ADAMTSL3: variants seen among roughly 807,000 people sequenced by gnomAD.
The protein encoded by ADAMTSL3 is ADAMTS like 3.
A neutral mutation model predicts 201.7 loss-of-function variants in ADAMTSL3; 128 were observed. That is an observed-to-expected ratio of 0.63 (90% confidence interval 0.55 to 0.73). The LOEUF (loss-of-function observed/expected upper bound fraction) is 0.73, where lower values mean the gene tolerates loss of function less well. Ranked by LOEUF, ADAMTSL3 falls within the 30% of genes least tolerant of loss-of-function variation. ADAMTSL3 has a pLI of 0.00. For missense variants in ADAMTSL3, 1,990 were observed against 2,119.6 expected, an observed-to-expected ratio of 0.94 and a Z score of 1.20; for synonymous variants, 738 against 748.4, an observed-to-expected ratio of 0.99 and a Z score of 0.23.
intron 7 of ADAMTSL3, among the ~76,000 whole-genome samples, chr15:83,848,468 A>C (rs2141731762): frequency 6.6e-6 from 1 of 152,384 alleles, no homozygotes; most frequent in Middle Eastern, 3.4e-3. Flanking sequence ...TAGAAAAAAT[A>C]TGATGGAACA....
At chr15:83,797,712 C>T (rs952074087) in intron 4 of ADAMTSL3, among the ~76,000 whole-genome samples, 1 of 152,152 alleles carries the variant, frequency 6.6e-6, no homozygotes. Context: ...TAAGAACCTT[C>T]CTGCACTGGT....
chr15:83,884,722 T>C (rs1408962941), intron 9 of ADAMTSL3, among the ~76,000 whole-genome samples: 1 of 152,228 alleles, frequency 6.6e-6, no homozygotes, highest in Non-Finnish European at 1.5e-5. Context: ...GTCTCCACTA[T>C]GTGCTATATT....
intron 6 of ADAMTSL3, among the ~76,000 whole-genome samples, chr15:83,823,025 T>A (rs935792229): frequency 1.3e-5 from 2 of 151,650 alleles, no homozygotes; most frequent in African/African-American, 4.8e-5. Context: ...AAACCCCGTC[T>A]CCACCAAAAA....
intron 2 of ADAMTSL3, among the ~76,000 whole-genome samples, chr15:83,661,501 C>G (rs2061163459): frequency 6.6e-6 from 1 of 151,894 alleles, no homozygotes; most frequent in Non-Finnish European, 1.5e-5. Context: ...CCTTCACATC[C>G]CTTGTAAGTT....
At chr15:83,695,960 A>G (rs2061683437) in intron 2 of ADAMTSL3, among the ~76,000 whole-genome samples, 1 of 152,146 alleles carries the variant, frequency 6.6e-6, no homozygotes, top group African/African-American at 2.4e-5. Context: ...GAGTTTAAGT[A>G]CTGCTGGTTA....
At chr15:84,002,756 TA>T (rs559124042) in intron 23 of ADAMTSL3, among the ~76,000 whole-genome samples, 1 of 152,002 alleles carries the variant, frequency 6.6e-6, no homozygotes. Flanking sequence ...GACTTTCTTA[TA>T]AAAAAAATTT....
At chr15:83,846,456 G>C (rs969533735) in intron 7 of ADAMTSL3, among the ~76,000 whole-genome samples, 1 of 152,194 alleles carries the variant, frequency 6.6e-6, no homozygotes, top group Non-Finnish European at 1.5e-5. Flanking sequence ...CATGAGGCGA[G>C]AGGTGCACCG....
intron 2 of ADAMTSL3, among the ~76,000 whole-genome samples, chr15:83,660,058 G>T (rs1416279662): frequency 1.3e-5 from 2 of 152,142 alleles, no homozygotes; most frequent in African/African-American, 2.4e-5. Context: ...ACTAATACAG[G>T]ATGTCAGGGG....
intron 2 of ADAMTSL3, among the ~76,000 whole-genome samples, chr15:83,701,778 C>T (rs2061781641): frequency 1.3e-5 from 2 of 152,186 alleles, no homozygotes. Context: ...TTTTTCTTCC[C>T]AGTCTCGAGT....
Position 84,037,829 on chromosome 15 carries a change from T to A in ADAMTSL3, c.*23T>A, listed in dbSNP as rs2068538948. 3 of 1,586,920 alleles carry A rather than the reference T, an allele frequency of 1.9e-6. No homozygotes were observed. Among genetic ancestry groups the A allele is most frequent in the Non-Finnish European group, 2.6e-6 (3 of 1,173,322 alleles). On this transcript the variant is annotated 3_prime_UTR_variant, in exon 30 of 30. Transcript: ENST00000286744. ...TAAACCTTTGGAGGGGTCATGATGC[T>A]GCTGTGAAGATAAAAGTAGAATATA...
chr15:83,992,771 C>T (rs2067603892), intron 23 of ADAMTSL3, among the ~76,000 whole-genome samples: 1 of 152,178 alleles, frequency 6.6e-6, no homozygotes, highest in Admixed American at 6.5e-5. Flanking sequence ...GACCATTAAA[C>T]TCATCTAGTT....
intron 3 of ADAMTSL3, among the ~76,000 whole-genome samples, chr15:83,771,521 A>G (rs1041226970): frequency 3.9e-5 from 6 of 152,236 alleles, no homozygotes; most frequent in Non-Finnish European, 5.9e-5. Flanking sequence ...GATACCTCAT[A>G]TAAATGGAAC....
At chr15:83,939,775 C>T (rs1364535720) in intron 17 of ADAMTSL3, among the ~76,000 whole-genome samples, 2 of 152,132 alleles carry the variant, frequency 1.3e-5, no homozygotes, top group Non-Finnish European at 2.9e-5. Context: ...GCGTGCACCA[C>T]CACACCCAGC....
At chr15:84,004,997 A>G (rs1307441813) in intron 23 of ADAMTSL3, among the ~76,000 whole-genome samples, 3 of 152,210 alleles carry the variant, frequency 2.0e-5, no homozygotes, top group Admixed American at 6.5e-5. Context: ...AGGAAAGGCT[A>G]TAGAGCTAAG....
intron 23 of ADAMTSL3, among the ~76,000 whole-genome samples, chr15:83,999,041 T>C (rs765962020): frequency 3.9e-5 from 6 of 152,226 alleles, no homozygotes; most frequent in Non-Finnish European, 7.3e-5. Flanking sequence ...ACACATCTCA[T>C]TATAAAATAT....
intron 2 of ADAMTSL3, among the ~76,000 whole-genome samples, chr15:83,686,026 C>T (rs1206952313): frequency 6.6e-6 from 1 of 152,040 alleles, no homozygotes; most frequent in East Asian, 1.9e-4. Flanking sequence ...TTCTCCTGGT[C>T]TGGCCTCTTC....
At chr15:83,975,160 C>T (rs1297170390) in intron 20 of ADAMTSL3, among the ~76,000 whole-genome samples, 1 of 152,020 alleles carries the variant, frequency 6.6e-6, no homozygotes, top group Non-Finnish European at 1.5e-5. Context: ...TGCTACCATG[C>T]CCGGCTAATT....
At position 83,858,901 on chromosome 15, in the gene ADAMTSL3, A is replaced by C. The variant is rs972080699; in HGVS notation, c.802+61A>C. On this transcript the variant is annotated intron_variant, in intron 8 of 29. Transcript: ENST00000286744. ...CTGAAAGTTTAGTTAGCCAAAAAAA[A>C]CAAAAAACAAAAAACCCACAAACCA... 56 of 1,379,740 alleles carry C rather than the reference A, an allele frequency of 4.1e-5. No homozygotes were observed. In the African/African-American group the frequency reaches 5.7e-4, roughly 14 times the overall value. The allele number at this position is 1,379,740 out of a possible 1,614,324, so 85.5% of individuals were successfully genotyped here.
At chr15:83,714,365 G>A (rs1005053586) in intron 3 of ADAMTSL3, among the ~76,000 whole-genome samples, 1 of 152,210 alleles carries the variant, frequency 6.6e-6, no homozygotes, top group Non-Finnish European at 1.5e-5. Context: ...TGTCTGCATT[G>A]CTGTCCAGCA....
Sources: gnomAD v4.1 joint callset for allele counts (sites outside exome capture counted in the v4.1 genomes callset) on GRCh38, gnomAD v4.1.1 for gene constraint, MANE v1.5 for transcripts, NCBI Gene and HGNC (gene_info 2026-07-23, HGNC 2026-07-21) for gene names.